Variants in RGS7BP observed in about 807,000 individuals in gnomAD.
RGS7BP encodes regulator of G protein signaling 7-binding protein.
In RGS7BP, 9 loss-of-function variants were observed where a neutral mutation model predicts 31.3. The ratio of observed to expected loss-of-function variants is 0.29; its 90% confidence interval spans 0.17 to 0.50. The LOEUF is 0.50. Ranked by LOEUF, RGS7BP falls within the 20% of genes least tolerant of loss-of-function variation. The pLI is 0.98. For missense variants in RGS7BP, 274 were observed against 322.0 expected (o/e 0.85, Z 1.14); for synonymous variants, 115 against 120.1 (o/e 0.96, Z 0.28).
chr5:64,510,629 A>G (rs1748808130), intron 2 of RGS7BP, among the ~76,000 whole-genome samples: 1 of 152,230 alleles, frequency 6.6e-6, no homozygotes, highest in Non-Finnish European at 1.5e-5. Flanking sequence ...TGGTTATACA[A>G]TACTGTATAT....
In RGS7BP at chr5:64,611,020, C is replaced by T. The variant is rs1743489026; in HGVS notation, c.*1768C>T. On this transcript the variant is annotated 3_prime_UTR_variant, in exon 6 of 6. Transcript: ENST00000334025. ...CCTGGCTTCAAAAAAAAGAAGTAGC[C>T]GTGGAAAGCTATATGAGAAAATCAC... The T allele has an allele frequency of 1.3e-5, 2 of 151,712 alleles. No homozygotes were observed. Among genetic ancestry groups the T allele is most frequent in the African/African-American group, 4.8e-5 (2 of 41,334 alleles). The allele number at this position is 151,712 out of a possible 1,614,324, so 9.4% of individuals were successfully genotyped here.
At chr5:64,559,330 T>TC in intron 2 of RGS7BP, among the ~76,000 whole-genome samples, 1 of 152,140 alleles carries the variant, frequency 6.6e-6, no homozygotes, top group Admixed American at 6.6e-5. Context: ...GGGGACTGGT[T>TC]CCCCCGATAG....
intron 2 of RGS7BP, among the ~76,000 whole-genome samples, chr5:64,546,882 G>A (rs955820543): frequency 2.0e-4 from 30 of 152,144 alleles, no homozygotes; most frequent in Non-Finnish European, 7.4e-5. Context: ...AGACAAAAAT[G>A]TAGAGCATTT....
At chr5:64,517,936 T>C (rs1018481080) in intron 2 of RGS7BP, among the ~76,000 whole-genome samples, 2 of 152,018 alleles carry the variant, frequency 1.3e-5, no homozygotes, top group African/African-American at 4.8e-5. Context: ...CTCCTGTAAA[T>C]AAACCAAAGA....
intron 2 of RGS7BP, among the ~76,000 whole-genome samples, chr5:64,514,750 T>C (rs996034582): frequency 1.3e-5 from 2 of 152,116 alleles, no homozygotes; most frequent in Admixed American, 1.3e-4. Context: ...CATGAGAGAA[T>C]TGAGCAGGTG....
rs542311783 is a variant in RGS7BP, at chr5:64,574,250, G to A, written c.333-1524G>A. 2.6e-3 allele frequency among the ~76,000 whole-genome samples: 391 copies of A among 152,048 alleles called. 3 individuals are homozygous for A. The highest frequency in any genetic ancestry group is 7.6e-3 in the African/African-American group (316 of 41,466). On this transcript the variant is annotated intron_variant, in intron 2 of 5. Transcript: ENST00000334025. ...GTCAGAGACTGTGAAAGCTGAAGAC[G>A]AGATGAAATAATCAGAGGGGTGTGT... is the stretch of plus-strand genomic sequence containing the variant.
At chr5:64,538,939 CTTTT>C (rs1219962669) in intron 2 of RGS7BP, among the ~76,000 whole-genome samples, 4 of 152,130 alleles carry the variant, frequency 2.6e-5, no homozygotes, top group African/African-American at 9.7e-5. Flanking sequence ...AATGCACATT[CTTTT>C]TTATTTGTTC....
intron 2 of RGS7BP, among the ~76,000 whole-genome samples, chr5:64,542,613 G>A (rs1017385948): frequency 1.3e-5 from 2 of 152,182 alleles, no homozygotes; most frequent in African/African-American, 4.8e-5. Flanking sequence ...AGGAGCCCTG[G>A]TTGAGGTCAA....
At chr5:64,575,685 G>A in intron 2 of RGS7BP, 89 bp from the exon 3 acceptor site, 1 of 1,488,518 alleles carries the variant, frequency 6.7e-7, no homozygotes, top group South Asian at 1.4e-5. Context: ...AATCTTTATT[G>A]AGCATTTTTC....
chr5:64,507,744 T>C lies in RGS7BP; in HGVS notation c.199T>C (p.Tyr67His), dbSNP rs769211983. Residue 67 changes from tyrosine to histidine, a missense_variant, in exon 2 of 6, where the codon TAC (tyrosine) becomes CAC (histidine). Around this residue, in one of 3 missense-constraint regions of RGS7BP, gnomAD observed 149 missense variants for 152.6 expected, o/e 0.98. Transcript: ENST00000334025. The stretch of plus-strand genomic sequence containing the variant: ...AGAGTTCAACACACAAGTGGCCCTG[T>C]ACCGAGAGCTGGTCATTTCTATTGG... ...VQEFNTQVAL[Y>H]RELVISIGDV... 2 of 1,613,208 alleles carry C rather than the reference T, an allele frequency of 1.2e-6. No homozygotes were observed. The highest frequency in any genetic ancestry group is 3.3e-5 in the Admixed American group (2 of 59,884).
At chr5:64,572,623 A>G (rs1742325456) in intron 2 of RGS7BP, among the ~76,000 whole-genome samples, 1 of 152,100 alleles carries the variant, frequency 6.6e-6, no homozygotes, top group Non-Finnish European at 1.5e-5. Flanking sequence ...TGTTAACCAG[A>G]AGATTTATGA....
In RGS7BP at chr5:64,611,581, C is replaced by T. The variant is rs1338062020; in HGVS notation, c.*2329C>T. On this transcript the variant is annotated 3_prime_UTR_variant, in exon 6 of 6. Coordinates refer to ENST00000334025, the MANE Select transcript of RGS7BP (RefSeq NM_001029875.3). ...ATGGAGATGGGAATTTGTCTAATTA[C>T]CTAGCCAGAGTTTGCATATTTAAGG... 2 of 152,260 alleles carry T rather than the reference C, an allele frequency of 1.3e-5. No individual in the cohort carries two copies. The highest frequency in any genetic ancestry group is 4.8e-5 in the African/African-American group (2 of 41,366). 9.4% of individuals were successfully genotyped at this position (152,260 alleles called of 1,614,324 possible).
At chr5:64,583,141 A>C (rs1167052307) in intron 3 of RGS7BP, among the ~76,000 whole-genome samples, 2 of 152,188 alleles carry the variant, frequency 1.3e-5, no homozygotes, top group African/African-American at 2.4e-5. Flanking sequence ...TAATCCCAGT[A>C]CTTTGGGAGG....
intron 2 of RGS7BP, among the ~76,000 whole-genome samples, chr5:64,563,846 T>C (rs1333747915): frequency 1.3e-5 from 2 of 152,328 alleles, no homozygotes; most frequent in Middle Eastern, 3.4e-3. Flanking sequence ...TTCTTTGACA[T>C]CCTTCAAGAT....
chr5:64,578,464 A>G (rs1431386087), intron 3 of RGS7BP, among the ~76,000 whole-genome samples: 1 of 152,232 alleles, frequency 6.6e-6, no homozygotes, highest in African/African-American at 2.4e-5. Flanking sequence ...CCTGGATCCT[A>G]TCCAAGGACC....
rs577499276 is a variant in RGS7BP at position 64,609,047 on chromosome 5, G to C, written c.683-114G>C. 6.9e-6 allele frequency: 5 copies of C among 724,244 alleles called. No individual in the cohort carries two copies. In the East Asian group the frequency reaches 7.7e-5, roughly 11 times the overall value. The allele number at this position is 724,244 out of a possible 1,614,324, so 44.9% of individuals were successfully genotyped here. A position where few individuals can be genotyped will look rare whatever the true frequency, so the allele number is the denominator to read the frequency against. On this transcript the variant is annotated intron_variant, in intron 5 of 5. Coordinates refer to ENST00000334025, the MANE Select transcript of RGS7BP (RefSeq NM_001029875.3). ...AATCATCTGGTCCAAAATGCCAACA[G>C]TGCTGAGGTTGAGAAATCCTGATTA... is the stretch of plus-strand genomic sequence containing the variant.
chr5:64,579,151 T>A (rs1249065348), intron 3 of RGS7BP, among the ~76,000 whole-genome samples: 1 of 152,200 alleles, frequency 6.6e-6, no homozygotes, highest in Non-Finnish European at 1.5e-5. Flanking sequence ...TTTCTCTTGG[T>A]ACCAGTAGAG....
At chr5:64,512,575 C>A (rs1227542146) in intron 2 of RGS7BP, among the ~76,000 whole-genome samples, 1 of 152,136 alleles carries the variant, frequency 6.6e-6, no homozygotes, top group East Asian at 1.9e-4. Context: ...GGATCAAGTA[C>A]TTAGGAGACC....
chr5:64,601,647 G>A (rs1284554146), intron 5 of RGS7BP, among the ~76,000 whole-genome samples: 8 of 152,200 alleles, frequency 5.3e-5, no homozygotes, highest in Non-Finnish European at 1.2e-4. Flanking sequence ...CTGTCAGCCC[G>A]CTGTTCTTTC....
Sources: allele counts gnomAD v4.1 joint callset (sites outside exome capture counted in the v4.1 genomes callset), GRCh38; gene constraint gnomAD v4.1.1; regional missense constraint gnomAD v4.1.1; transcripts MANE v1.5; gene names NCBI Gene and HGNC (gene_info 2026-07-23, HGNC 2026-07-21).